Variants in TGFBR2 observed in about 807,000 individuals in gnomAD.
TGFBR2 encodes the protein transforming growth factor beta receptor 2.
TGFBR2 carries 18 observed loss-of-function variants against 49.0 expected under a neutral mutation model. That is an observed-to-expected ratio of 0.37 (90% CI 0.25 to 0.54). TGFBR2 has a LOEUF of 0.54. TGFBR2 is among the 20% of genes least tolerant of loss of function. The pLI, the probability that TGFBR2 is intolerant of heterozygous loss-of-function variation, is 0.85. For synonymous variants in TGFBR2, 282 were observed against 275.9 expected, an observed-to-expected ratio of 1.02 and a Z score of -0.22; for missense variants, 525 against 722.6, an observed-to-expected ratio of 0.73 and a Z score of 3.13.
At chr3:30,611,701 A>G (rs1209826007) in intron 1 of TGFBR2, among the ~76,000 whole-genome samples, 2 of 151,968 alleles carry the variant, frequency 1.3e-5, no homozygotes, top group Admixed American at 6.6e-5. Flanking sequence ...TTGGTTTATA[A>G]GGGTGAAGCA....
At chr3:30,627,567 T>C (rs891456521) in intron 1 of TGFBR2, among the ~76,000 whole-genome samples, 6 of 151,850 alleles carry the variant, frequency 4.0e-5, no homozygotes, top group Non-Finnish European at 8.8e-5. Flanking sequence ...TTGGGAAAAA[T>C]TATGTAATTA....
At chr3:30,663,499 T>A (rs1699184349) in intron 3 of TGFBR2, among the ~76,000 whole-genome samples, 1 of 152,246 alleles carries the variant, frequency 6.6e-6, no homozygotes, top group African/African-American at 2.4e-5. Context: ...TCTGGTGTTT[T>A]TATTGTAGGA....
At chr3:30,635,046 T>G (rs1698504413) in intron 1 of TGFBR2, among the ~76,000 whole-genome samples, 1 of 152,238 alleles carries the variant, frequency 6.6e-6, no homozygotes, top group Non-Finnish European at 1.5e-5. Flanking sequence ...GCTTTATCAA[T>G]GAAAAACTTA....
Position 30,672,202 on chromosome 3 carries a change from A to G in TGFBR2, c.1019A>G (p.His340Arg), listed in dbSNP as rs1699354750. 3.1e-6 allele frequency: 5 copies of G among 1,611,948 alleles called. No homozygotes were observed. The highest frequency in any genetic ancestry group is 4.2e-6 in the Non-Finnish European group (5 of 1,178,200). ...KGNLQEYLTR[H>R]VISWEDLRKL... ...AACCTACAGGAGTACCTGACGCGGC[A>G]TGTCATCAGCTGGGAGGACCTGCGC... Residue 340 changes from histidine to arginine, a missense_variant, in exon 4 of 7, where the codon CAT becomes CGT. By Grantham distance (29) the His-to-Arg change is conservative. This residue lies in a region of TGFBR2 where 376 missense variants were observed against 478.2 expected (regional missense o/e 0.79). Transcript: ENST00000295754. The surrounding 1 kb of genome is among the most constrained non-coding windows in gnomAD (Gnocchi z 4.5).
chr3:30,687,268 A>C (rs182623949), intron 5 of TGFBR2, among the ~76,000 whole-genome samples: 89 of 152,282 alleles, frequency 5.8e-4, no homozygotes, highest in Non-Finnish European at 2.5e-4. Flanking sequence ...TATCGTTTTA[A>C]AATTTTGTTG....
At chr3:30,670,581 C>G (rs1247498909) in intron 3 of TGFBR2, among the ~76,000 whole-genome samples, 1 of 152,218 alleles carries the variant, frequency 6.6e-6, no homozygotes, top group Non-Finnish European at 1.5e-5. Context: ...TTGCTCTCTC[C>G]TGTCCACTGT....
intron 1 of TGFBR2, among the ~76,000 whole-genome samples, chr3:30,613,304 G>A (rs773776422): frequency 1.3e-5 from 2 of 151,978 alleles, no homozygotes. Context: ...TATGGGGTGA[G>A]GTGACTTTTG....
chr3:30,661,629 A>G, intron 3 of TGFBR2: 1 of 511,406 alleles, frequency 2.0e-6, no homozygotes, highest in South Asian at 1.4e-5. Flanking sequence ...TGAAGACCCC[A>G]GGGTTTAGAG....
At chr3:30,671,220 G>A (rs1699330698) in intron 3 of TGFBR2, among the ~76,000 whole-genome samples, 1 of 152,202 alleles carries the variant, frequency 6.6e-6, no homozygotes, top group Non-Finnish European at 1.5e-5. Flanking sequence ...GTACCTTCCA[G>A]CATGGAGTTC....
intron 3 of TGFBR2, among the ~76,000 whole-genome samples, chr3:30,665,943 T>C (rs1366214749): frequency 6.6e-6 from 1 of 152,234 alleles, no homozygotes; most frequent in Non-Finnish European, 1.5e-5. Flanking sequence ...TATGTTTCTA[T>C]AATAATGCTT....
chr3:30,636,174 T>A (rs1311652641), intron 1 of TGFBR2, among the ~76,000 whole-genome samples: 2 of 147,704 alleles, frequency 1.4e-5, no homozygotes, highest in Non-Finnish European at 3.0e-5. Context: ...TGTGTGTGTG[T>A]GTGTGTGTGT....
intron 1 of TGFBR2, among the ~76,000 whole-genome samples, chr3:30,634,615 G>C (rs115131752): frequency 1.3e-5 from 2 of 152,154 alleles, no homozygotes; most frequent in South Asian, 4.1e-4. Flanking sequence ...GTAAAACTCC[G>C]TCAGTCGTGT....
At chr3:30,679,955 A>G (rs1380171523) in intron 5 of TGFBR2, among the ~76,000 whole-genome samples, 3 of 152,244 alleles carry the variant, frequency 2.0e-5, no homozygotes, top group South Asian at 4.1e-4. Context: ...GTGAAATGCC[A>G]TCTCTACTAA....
intron 1 of TGFBR2, among the ~76,000 whole-genome samples, chr3:30,607,321 C>G (rs552068781): frequency 1.3e-5 from 2 of 152,208 alleles, no homozygotes; most frequent in Non-Finnish European, 2.9e-5. Context: ...GAGCAGCGGC[C>G]CGGAGCGGCA....
rs1012171192 is a variant in TGFBR2 at position 30,672,128 on chromosome 3, G to A, written c.945G>A (p.Thr315=). 16 of 1,614,192 alleles carry A rather than the reference G, an allele frequency of 9.9e-6. No individual in the cohort carries two copies. The highest frequency in any genetic ancestry group is 3.3e-5 in the South Asian group (3 of 91,078). ...TCCTGACGGCTGAGGAGCGGAAGAC[G>A]GAGTTGGGGAAACAATACTGGCTGA... ...LQFLTAEERK[T]ELGKQYWLIT... is the part of the protein sequence containing the mutation. Residue 315 remains threonine, a synonymous_variant, in exon 4 of 7, where the codon ACG becomes ACA. Transcript: ENST00000295754. The surrounding 1 kb of genome is among the most constrained non-coding windows in gnomAD (Gnocchi z 4.5).
intron 3 of TGFBR2, among the ~76,000 whole-genome samples, chr3:30,669,942 T>A (rs1429152023): frequency 6.6e-6 from 1 of 152,218 alleles, no homozygotes; most frequent in African/African-American, 2.4e-5. Context: ...GAGAATTTGG[T>A]TATATCCTCA....
At chr3:30,609,352 A>G (rs941231369) in intron 1 of TGFBR2, among the ~76,000 whole-genome samples, 19 of 152,356 alleles carry the variant, frequency 1.2e-4, no homozygotes, top group African/African-American at 4.1e-4. Context: ...CATTTTTTCA[A>G]AATATCTTAA....
intron 3 of TGFBR2, among the ~76,000 whole-genome samples, chr3:30,669,121 C>CAAAAAAAA (rs56069409): frequency 2.0e-4 from 17 of 83,464 alleles, no homozygotes; most frequent in African/African-American, 6.6e-4. Context: ...ACTAAAAATA[C>CAAAAAAAA]AAAAAAAAAA....
intron 5 of TGFBR2, among the ~76,000 whole-genome samples, chr3:30,683,757 A>G (rs1019407564): frequency 1.7e-4 from 26 of 152,224 alleles, no homozygotes; most frequent in Admixed American, 1.3e-3. Context: ...CCCAGTCTCC[A>G]GCTGCCTGAA....
Sources: gnomAD v4.1 joint callset for allele counts (sites outside exome capture counted in the v4.1 genomes callset) on GRCh38, gnomAD v4.1.1 for gene constraint, gnomAD v4.1.1 regional missense constraint, Gnocchi (gnomAD v3.1) non-coding constraint, MANE v1.5 for transcripts, NCBI Gene and HGNC (gene_info 2026-07-23, HGNC 2026-07-21) for gene names.